GPHN: variants seen among roughly 807,000 people sequenced by gnomAD.
The protein encoded by GPHN is gephyrin.
A neutral mutation model predicts 95.5 loss-of-function variants in GPHN; 17 were observed. The ratio of observed to expected loss-of-function variants is 0.18; its 90% CI spans 0.12 to 0.27. GPHN has a LOEUF of 0.27. Ranked by LOEUF, GPHN falls within the 10% of genes least tolerant of loss-of-function variation. GPHN has a pLI of 1.00. For synonymous variants in GPHN, 320 were observed against 322.5 expected, an observed-to-expected ratio of 0.99 and a Z score of 0.08; for missense variants, 660 against 978.1, an observed-to-expected ratio of 0.67 and a Z score of 4.34.
chr14:67,081,590 C>T lies in GPHN; in HGVS notation c.1145-7393C>T, dbSNP rs1238896241. ...GATTGTTTCTTTTGCTGTGCAGAAA[C>T]TTTTTAGATTAATTAAGTCCCACCT... On this transcript the variant is annotated intron_variant, in intron 11 of 22. Transcript: ENST00000478722. Among the ~76,000 whole-genome samples, 3 of 152,280 alleles carry T rather than the reference C, an allele frequency of 2.0e-5. No individual in the cohort carries two copies. In the East Asian group the frequency reaches 5.8e-4, roughly 29 times the overall value.
intron 1 of GPHN, among the ~76,000 whole-genome samples, chr14:66,592,273 C>T (rs2061693342): frequency 1.3e-5 from 2 of 152,066 alleles, no homozygotes; most frequent in South Asian, 4.1e-4. Context: ...ACACCAAAAG[C>T]AATGGCAGCA....
At chr14:66,551,828 G>T (rs2059822591) in intron 1 of GPHN, among the ~76,000 whole-genome samples, 1 of 152,130 alleles carries the variant, frequency 6.6e-6, no homozygotes, top group Admixed American at 6.5e-5. Context: ...GATCTCGTGA[G>T]AACTCACTAA....
At chr14:67,452,095 G>C in the GPHN span, among the ~76,000 whole-genome samples, 1 of 152,154 alleles carries the variant, frequency 6.6e-6, no homozygotes, top group South Asian at 2.1e-4. Flanking sequence ...ACTTTGGGAG[G>C]CTGAGGTGGG....
At chr14:67,424,325 A>G in the GPHN span, among the ~76,000 whole-genome samples, 1 of 152,010 alleles carries the variant, frequency 6.6e-6, no homozygotes, top group African/African-American at 2.4e-5. Flanking sequence ...TGATTAAGAA[A>G]GAATGAAGTG....
chr14:66,528,260 GT>G (rs762857376), intron 1 of GPHN, among the ~76,000 whole-genome samples: 7 of 152,158 alleles, frequency 4.6e-5, no homozygotes, highest in Non-Finnish European at 8.8e-5. Context: ...CTTAAAGTCT[GT>G]TTTATCAGAA....
At chr14:67,163,829 A>G (rs1469264446) in intron 19 of GPHN, among the ~76,000 whole-genome samples, 2 of 151,918 alleles carry the variant, frequency 1.3e-5, no homozygotes, top group African/African-American at 4.8e-5. Context: ...ATTAGCTAAA[A>G]TTCTATATAA....
chr14:66,608,869 C>T (rs72726403), intron 1 of GPHN, among the ~76,000 whole-genome samples: 5,998 of 152,072 alleles, frequency 0.039, 177 homozygotes, highest in Middle Eastern at 0.065. Context: ...TTGAGGCTTT[C>T]GGTATTGTTA....
At chr14:67,335,647 G>A in the GPHN span, 1 of 152,640 alleles carries the variant, frequency 6.6e-6, no homozygotes, top group Admixed American at 6.5e-5. Flanking sequence ...TTTTGTGAAT[G>A]TGTGGAAAAT....
At position 66,864,629 on chromosome 14, in the gene GPHN, C is replaced by T. The variant is rs548125271; in HGVS notation, c.295-15310C>T. ...TTCTACTAAAAATATAAAAATTAAC[C>T]GGGCATGGTGGCACATGCTTGGAAT... On this transcript the variant is annotated intron_variant, in intron 4 of 22. Transcript: ENST00000478722. Among the ~76,000 whole-genome samples, 20 of 152,132 alleles carry T rather than the reference C, an allele frequency of 1.3e-4. No individual in the cohort carries two copies. In the Middle Eastern group the frequency reaches 0.01, roughly 78 times the overall value.
chr14:66,854,482 A>T (rs2062717761), intron 4 of GPHN, among the ~76,000 whole-genome samples: 1 of 152,238 alleles, frequency 6.6e-6, no homozygotes, highest in South Asian at 2.1e-4. Context: ...TTAGCAATTT[A>T]GATAAAATAG....
At chr14:67,050,016 AATTTGTTAT>A in intron 10 of GPHN, among the ~76,000 whole-genome samples, 1 of 152,158 alleles carries the variant, frequency 6.6e-6, no homozygotes, top group Non-Finnish European at 1.5e-5. Context: ...GCTTTTAGTT[AATTTGTTAT>A]ATATCCAAAG....
intron 9 of GPHN, among the ~76,000 whole-genome samples, chr14:67,013,385 GA>G (rs983024873): frequency 2.6e-5 from 4 of 151,850 alleles, no homozygotes; most frequent in African/African-American, 7.3e-5. Flanking sequence ...CTTATGTTAA[GA>G]AAAAAATTTA....
chr14:67,596,295 A>T, the GPHN span, among the ~76,000 whole-genome samples: 2 of 60,222 alleles, frequency 3.3e-5, no homozygotes, highest in African/African-American at 7.0e-5. Flanking sequence ...CGCCCAGCTA[A>T]TTTTTTTTTT....
the GPHN span, among the ~76,000 whole-genome samples, chr14:67,203,671 T>C: frequency 6.6e-6 from 1 of 152,172 alleles, no homozygotes; most frequent in East Asian, 1.9e-4. Flanking sequence ...CTTTGAAGGA[T>C]TAATTTAAAT....
At chr14:67,378,988 T>G in the GPHN span, among the ~76,000 whole-genome samples, 1 of 152,344 alleles carries the variant, frequency 6.6e-6, no homozygotes, top group Non-Finnish European at 1.5e-5. Context: ...TTTTTGTAGC[T>G]TGCATTTTTA....
At chr14:67,419,356 C>A in the GPHN span, among the ~76,000 whole-genome samples, 1 of 152,136 alleles carries the variant, frequency 6.6e-6, no homozygotes, top group Non-Finnish European at 1.5e-5. Flanking sequence ...TCAGGGGCTC[C>A]CACCTGGCTG....
rs1302341603 is a variant in GPHN, at chr14:66,924,306, CT to C, written c.828+18del. 5 of 1,413,634 alleles carry C rather than the reference CT, an allele frequency of 3.5e-6. No homozygotes were observed. The highest frequency in any genetic ancestry group is 4.0e-6 in the Non-Finnish European group (4 of 997,300). The allele number at this position is 1,413,634 out of a possible 1,614,324, so 87.6% of individuals were successfully genotyped here. ...ACAGATGAACGGGTAAGACAAGAGG[CT>C]TTTGCATTAATGGTTTTCCAAATAT... is the stretch of plus-strand genomic sequence containing the variant. On this transcript the variant is annotated intron_variant, in intron 8 of 22. Coordinates refer to ENST00000478722, the MANE Select transcript of GPHN (RefSeq NM_020806.5).
chr14:67,065,186 A>C (rs2075993863), intron 11 of GPHN, among the ~76,000 whole-genome samples: 1 of 152,144 alleles, frequency 6.6e-6, no homozygotes, highest in Non-Finnish European at 1.5e-5. Flanking sequence ...TCATTTCATT[A>C]TGTACCCAGT....
the GPHN span, among the ~76,000 whole-genome samples, chr14:67,272,692 G>A: frequency 7.2e-5 from 11 of 151,960 alleles, no homozygotes; most frequent in African/African-American, 1.2e-4. Flanking sequence ...AGAGTCTCGC[G>A]CTGTCTCCCA....
Sources: gnomAD v4.1 joint callset for allele counts (sites outside exome capture counted in the v4.1 genomes callset) on GRCh38, gnomAD v4.1.1 for gene constraint, MANE v1.5 for transcripts, NCBI Gene and HGNC (gene_info 2026-07-23, HGNC 2026-07-21) for gene names.